The following PIK3CB variants were observed in gnomAD, a reference collection of about 807,000 sequenced individuals.
The protein encoded by PIK3CB is phosphatidylinositol 4,5-bisphosphate 3-kinase catalytic subunit beta isoform.
Under a neutral mutation model 136.8 loss-of-function variants are expected in PIK3CB, and 39 were observed. The ratio of observed to expected loss-of-function variants is 0.29; its 90% CI spans 0.22 to 0.37. PIK3CB has a LOEUF of 0.37. Among genes scored for constraint, PIK3CB ranks in the 10% least tolerant of loss-of-function variants. The probability of loss-of-function intolerance (pLI) is 1.00; values close to 1 mark genes in which losing one functional copy is unlikely to be tolerated. For missense variants in PIK3CB, 868 were observed against 1,275.4 expected, an observed-to-expected ratio of 0.68 and a Z score of 4.87; for synonymous variants, 428 against 436.6, an observed-to-expected ratio of 0.98 and a Z score of 0.25.
At position 138,704,217 on chromosome 3, in the gene PIK3CB, C is replaced by T. The variant is rs556024731; in HGVS notation, c.1581+226G>A. ...CACAGAATCCCTTATAGATTACCTGCTAAACCTGTACTTGTATCAGAAAAG... is the reference window on the plus strand; with the variant it reads ...CACAGAATCCCTTATAGATTACCTGTTAAACCTGTACTTGTATCAGAAAAG... On this transcript the variant is annotated intron_variant, in intron 12 of 23. Coordinates refer to ENST00000674063, the MANE Select transcript of PIK3CB (RefSeq NM_006219.3). Among the ~76,000 whole-genome samples the T allele has an allele frequency of 3.6e-4, 55 of 152,276 alleles. 1 individual carries two copies. The highest frequency in any genetic ancestry group is 6.8e-3 in the Middle Eastern group (2 of 294).
chr3:138,655,703 T>G (rs574112982), intron 23 of PIK3CB, among the ~76,000 whole-genome samples, 177 bp from the exon 24 acceptor site: 1 of 152,178 alleles, frequency 6.6e-6, no homozygotes, highest in Non-Finnish European at 1.5e-5. Context: ...GGAGATAATA[T>G]GACTTCTTCC....
At chr3:138,771,223 C>CTT (rs34387538) in intron 2 of PIK3CB, among the ~76,000 whole-genome samples, 1,519 of 129,792 alleles carry the variant, frequency 0.012, 42 homozygotes, top group East Asian at 0.018. Flanking sequence ...TTCATTTTGC[C>CTT]TTTTTTTTTT....
chr3:138,717,458 A>C (rs1339111038), intron 8 of PIK3CB, among the ~76,000 whole-genome samples: 6 of 152,318 alleles, frequency 3.9e-5, no homozygotes, highest in Admixed American at 3.9e-4. Context: ...ATATACAGAC[A>C]TAACAGCAAA....
At chr3:138,721,454 T>G (rs2044724966) in intron 8 of PIK3CB, among the ~76,000 whole-genome samples, 3 of 152,168 alleles carry the variant, frequency 2.0e-5, no homozygotes. Flanking sequence ...CATGAGCCAC[T>G]GGGCATGGCC....
Position 138,737,883 on chromosome 3 carries a change from C to CTTTCAA in PIK3CB, c.624_625insTTGAAA (p.Asp208_Val209insLeuLys). On this transcript the variant is annotated inframe_insertion, in exon 6 of 24. Coordinates refer to ENST00000674063, the MANE Select transcript of PIK3CB (RefSeq NM_006219.3). ...TTAGGAGACACTTGAAAGCTAAACACGTCCTGAAGGGGGAGGGAGATGGGG... is the reference window on the plus strand; with the variant it reads ...TTAGGAGACACTTGAAAGCTAAACACTTTCAAGTCCTGAAGGGGGAGGGAGATGGGG... 6.3e-7 allele frequency: 1 copy of CTTTCAA among 1,582,644 alleles called. No individual in the cohort carries two copies. The highest frequency in any genetic ancestry group is 8.6e-7 in the Non-Finnish European group (1 of 1,162,186).
At chr3:138,677,819 T>C (rs654459) in intron 19 of PIK3CB, among the ~76,000 whole-genome samples, 87,725 of 151,962 alleles carry the variant, frequency 0.58, 26,110 homozygotes, top group East Asian at 0.98. Context: ...CACTTGAACC[T>C]GGGAGGCGGA....
intron 13 of PIK3CB, 140 bp from the exon 14 acceptor site, chr3:138,695,047 G>C: frequency 1.5e-6 from 1 of 664,538 alleles, no homozygotes; most frequent in Non-Finnish European, 2.4e-6. Context: ...ATCCATTCCT[G>C]TTAATAGAGA....
chr3:138,775,389 C>T (rs548037291), intron 2 of PIK3CB, among the ~76,000 whole-genome samples: 7 of 152,270 alleles, frequency 4.6e-5, no homozygotes, highest in African/African-American at 1.7e-4. Flanking sequence ...CAAAACGAAG[C>T]AATTTGCAAT....
rs1352483969 is a variant in PIK3CB at position 138,739,449 on chromosome 3, T to TAAATA, written c.622-1568_622-1564dup. On this transcript the variant is annotated intron_variant, in intron 5 of 23. Coordinates refer to ENST00000674063, the MANE Select transcript of PIK3CB (RefSeq NM_006219.3). ...AGAGCGAGACTCCGACTCAAAAAAA[T>TAAATA]AAATAAAATAAAATAAAATAAATAA... Among the ~76,000 whole-genome samples the TAAATA allele has an allele frequency of 2.7e-5, 4 of 148,208 alleles. No individual in the cohort carries two copies. The Admixed American group carries it at 2.7e-4, about 10-fold the overall frequency.
At chr3:138,800,204 A>T (rs935316886) in intron 1 of PIK3CB, among the ~76,000 whole-genome samples, 1 of 152,188 alleles carries the variant, frequency 6.6e-6, no homozygotes, top group Admixed American at 6.5e-5. Flanking sequence ...ATAGCAACCT[A>T]GGTCATTATC....
Position 138,714,512 on chromosome 3 carries a change from T to C in PIK3CB, c.1258A>G (p.Ile420Val), listed in dbSNP as rs1007545037. Residue 420 changes from isoleucine (I) to valine (V), a missense_variant, in exon 9 of 24, where the codon ATT becomes GTT. Coordinates refer to ENST00000674063, the MANE Select transcript of PIK3CB (RefSeq NM_006219.3). ...ATGGTCTGATATTTAGAGGGATTAA[T>C]AGTTTTCGTTGATTTCTTCGTTTTT... is the stretch of plus-strand genomic sequence containing the variant. ...KVKTKKSTKT[I>V]NPSKYQTIRK... 3 of 1,611,476 alleles carry C rather than the reference T, an allele frequency of 1.9e-6. No individual in the cohort carries two copies. The East Asian group carries it at 6.7e-5, about 36-fold the overall frequency.
chr3:138,755,321 C>A (rs564203326), intron 4 of PIK3CB, among the ~76,000 whole-genome samples: 50 of 152,254 alleles, frequency 3.3e-4, no homozygotes, highest in African/African-American at 1.2e-3. Context: ...TCTTTCCAAT[C>A]CATCAAAGAT....
intron 8 of PIK3CB, among the ~76,000 whole-genome samples, chr3:138,730,040 A>C (rs1425708141): frequency 6.6e-6 from 1 of 152,208 alleles, no homozygotes; most frequent in African/African-American, 2.4e-5. Flanking sequence ...TCACCTGTGT[A>C]GCAAGGTATA....
chr3:138,732,720 GAA>G (rs68137286), intron 8 of PIK3CB, among the ~76,000 whole-genome samples: 3 of 109,296 alleles, frequency 2.7e-5, no homozygotes, highest in Non-Finnish European at 5.7e-5. Context: ...GGAAAGAAAA[GAA>G]AAAAAAAAAA....
chr3:138,749,941 A>C (rs1297219641), intron 4 of PIK3CB, among the ~76,000 whole-genome samples: 1 of 152,142 alleles, frequency 6.6e-6, no homozygotes, highest in Non-Finnish European at 1.5e-5. Context: ...TGGCATGATC[A>C]CAGCTCACTG....
intron 4 of PIK3CB, among the ~76,000 whole-genome samples, chr3:138,754,332 G>C (rs1241403261): frequency 1.3e-5 from 2 of 151,982 alleles, no homozygotes; most frequent in Admixed American, 6.6e-5. Flanking sequence ...CAGCTACTTA[G>C]GACGCTGAGG....
At chr3:138,762,146 G>A (rs2045671718) in intron 2 of PIK3CB, among the ~76,000 whole-genome samples, 1 of 151,974 alleles carries the variant, frequency 6.6e-6, no homozygotes, top group African/African-American at 2.4e-5. Flanking sequence ...CTACTCAGGA[G>A]GCTGAGGCAG....
intron 11 of PIK3CB, 127 bp from the exon 12 acceptor site, chr3:138,704,620 A>G (rs2044325497): frequency 1.5e-6 from 1 of 681,100 alleles, no homozygotes; most frequent in Non-Finnish European, 2.6e-6. Context: ...CAGAAACATG[A>G]ATTTTAAAAG....
rs1559858965 is a variant in PIK3CB, at chr3:138,747,101, T to TATATATATAC, written c.398-4321_398-4320insGTATATATAT. On this transcript the variant is annotated intron_variant, in intron 4 of 23. Transcript: ENST00000674063. ...ATATATATATATATATATATATATA[T>TATATATATAC]ATATATATATATGGCATTTGCAGGC... is the stretch of plus-strand genomic sequence containing the variant. 4.5e-4 allele frequency among the ~76,000 whole-genome samples: 42 copies of TATATATATAC among 92,694 alleles called. 2 individuals carry two copies. Among genetic ancestry groups the TATATATATAC allele is most frequent in the African/African-American group, 2.0e-3 (41 of 20,840 alleles). 60.8% of individuals were successfully genotyped at this position (92,694 alleles called of 152,430 possible).
Sources: gnomAD v4.1 joint callset for allele counts (sites outside exome capture counted in the v4.1 genomes callset) on GRCh38, gnomAD v4.1.1 for gene constraint, MANE v1.5 for transcripts, NCBI Gene and HGNC (gene_info 2026-07-23, HGNC 2026-07-21) for gene names.